The following PRDM16 variants were observed in gnomAD, a reference collection of about 807,000 sequenced individuals.
The protein encoded by PRDM16 is histone-lysine N-methyltransferase PRDM16.
Under a neutral mutation model 110.6 loss-of-function variants are expected in PRDM16, and 23 were observed. That is an observed-to-expected ratio of 0.21 (90% confidence interval 0.15 to 0.29). PRDM16 has a LOEUF of 0.29. Ranked by LOEUF, PRDM16 falls within the 10% of genes least tolerant of loss-of-function variation. The pLI, the probability that PRDM16 is intolerant of heterozygous loss-of-function variation, is 1.00. For synonymous variants in PRDM16, 799 were observed against 781.8 expected (o/e 1.02, Z -0.37); for missense variants, 1,615 against 1,794.3 (o/e 0.90, Z 1.81).
intron 1 of PRDM16, among the ~76,000 whole-genome samples, chr1:3,167,049 G>A (rs1643965373): frequency 6.6e-6 from 1 of 152,186 alleles, no homozygotes; most frequent in Non-Finnish European, 1.5e-5. Flanking sequence ...TCCCAGGGAG[G>A]TGCAGGGAGC....
intron 1 of PRDM16, among the ~76,000 whole-genome samples, chr1:3,173,449 G>A (rs1644051082): frequency 1.3e-5 from 2 of 152,250 alleles, no homozygotes; most frequent in South Asian, 4.1e-4. Flanking sequence ...TTAGAATAAT[G>A]CATCGGCTTT....
Position 3,194,891 on chromosome 1 carries a change from C to T in PRDM16, c.387+8417C>T, listed in dbSNP as rs183572126. Among the ~76,000 whole-genome samples the T allele has an allele frequency of 5.3e-5, 8 of 152,332 alleles. 1 individual carries two copies. In the East Asian group the frequency reaches 9.7e-4, roughly 18 times the overall value. On this transcript the variant is annotated intron_variant, in intron 2 of 16. Coordinates refer to ENST00000270722, the MANE Select transcript of PRDM16 (RefSeq NM_022114.4). ...CCCCACGGTTGAGTGGGCTCGGCCC[C>T]GGGACGTGGCCTGGCTCTGGGCACC... is the stretch of plus-strand genomic sequence containing the variant.
At chr1:3,221,416 G>T (rs912254729) in intron 2 of PRDM16, among the ~76,000 whole-genome samples, 1 of 152,226 alleles carries the variant, frequency 6.6e-6, no homozygotes, top group Non-Finnish European at 1.5e-5. Flanking sequence ...AAGCTGCTTG[G>T]ATTTGCTGTG....
intron 1 of PRDM16, among the ~76,000 whole-genome samples, chr1:3,097,728 C>G (rs578148618): frequency 6.6e-6 from 1 of 152,156 alleles, no homozygotes; most frequent in East Asian, 1.9e-4. Flanking sequence ...CACAGGGTCT[C>G]CCCGAGGCCT....
chr1:3,251,805 G>A (rs1639939935), intron 3 of PRDM16, among the ~76,000 whole-genome samples: 1 of 152,192 alleles, frequency 6.6e-6, no homozygotes, highest in South Asian at 2.1e-4. Flanking sequence ...TCTTCAGGTG[G>A]GTGCAATATT....
intron 3 of PRDM16, among the ~76,000 whole-genome samples, chr1:3,259,611 GACCAAC>G (rs1463752804): frequency 9.9e-5 from 15 of 152,248 alleles, no homozygotes; most frequent in Non-Finnish European, 1.5e-4. Flanking sequence ...CTGAAACCCA[GACCAAC>G]TAGTGAACAG....
intron 2 of PRDM16, among the ~76,000 whole-genome samples, chr1:3,234,278 GC>G (rs1212347499): frequency 2.0e-5 from 3 of 152,136 alleles, no homozygotes; most frequent in African/African-American, 7.2e-5. Context: ...CGAGACAGGG[GC>G]TTTCAGAGCT....
intron 9 of PRDM16, among the ~76,000 whole-genome samples, 171 bp downstream of exon 9, chr1:3,412,971 G>T (rs947090658): frequency 3.3e-5 from 5 of 152,218 alleles, no homozygotes; most frequent in African/African-American, 1.2e-4. Flanking sequence ...CCCTCAGGAG[G>T]GATGCCTGGC....
chr1:3,187,171 G>A (rs780496080), intron 2 of PRDM16, among the ~76,000 whole-genome samples: 6 of 152,162 alleles, frequency 3.9e-5, no homozygotes, highest in African/African-American at 7.2e-5. Flanking sequence ...GCTAGGCCCC[G>A]GTGTTGGGGT....
intron 2 of PRDM16, among the ~76,000 whole-genome samples, chr1:3,214,772 G>T (rs1244923361): frequency 6.6e-6 from 1 of 152,232 alleles, no homozygotes; most frequent in African/African-American, 2.4e-5. Context: ...GCCTGGCCCT[G>T]TGCTAACATG....
chr1:3,181,244 A>ACGCATG (rs1225918075), intron 1 of PRDM16, among the ~76,000 whole-genome samples: 76 of 48,594 alleles, frequency 1.6e-3, no homozygotes, highest in Non-Finnish European at 2.2e-3. Context: ...TCTTACACAC[A>ACGCATG]GTCTTACACA....
intron 3 of PRDM16, among the ~76,000 whole-genome samples, chr1:3,299,210 G>T (rs1363330323): frequency 6.6e-6 from 1 of 151,454 alleles, no homozygotes; most frequent in African/African-American, 2.4e-5. Flanking sequence ...TGGTGGCTCT[G>T]CCCTGGTTGA....
intron 1 of PRDM16, among the ~76,000 whole-genome samples, chr1:3,165,188 G>T (rs1026034714): frequency 6.6e-6 from 1 of 152,210 alleles, no homozygotes. Context: ...TAGGCCCAGG[G>T]ACAGGGACTT....
intron 3 of PRDM16, among the ~76,000 whole-genome samples, chr1:3,257,406 C>G (rs1176902590): frequency 6.6e-6 from 1 of 152,164 alleles, no homozygotes; most frequent in Non-Finnish European, 1.5e-5. Flanking sequence ...CTCCAGAGTT[C>G]TCTGCTCTCC....
At chr1:3,320,185 A>G (rs1010942089) in intron 3 of PRDM16, among the ~76,000 whole-genome samples, 5 of 152,216 alleles carry the variant, frequency 3.3e-5, no homozygotes, top group African/African-American at 1.2e-4. Flanking sequence ...CACATGTGCC[A>G]AATTATAAGA....
At chr1:3,083,876 C>T (rs1452810540) in intron 1 of PRDM16, among the ~76,000 whole-genome samples, 2 of 152,220 alleles carry the variant, frequency 1.3e-5, no homozygotes, top group East Asian at 1.9e-4. Context: ...CCGTAATCAG[C>T]ACATGGTGCC....
intron 1 of PRDM16, among the ~76,000 whole-genome samples, chr1:3,070,772 C>G (rs1295839466): frequency 5.3e-5 from 8 of 152,288 alleles, no homozygotes; most frequent in Non-Finnish European, 8.8e-5. Flanking sequence ...GCCCCGCGGC[C>G]GTAGGCCCCG....
chr1:3,101,315 G>T (rs1160770470), intron 1 of PRDM16, among the ~76,000 whole-genome samples: 1 of 152,358 alleles, frequency 6.6e-6, no homozygotes, highest in East Asian at 1.9e-4. Context: ...GCGAGGCAGT[G>T]CATTGTCTAG....
Position 3,114,212 on chromosome 1 carries a change from C to A in PRDM16, c.37+44916C>A, listed in dbSNP as rs1222241310. ...ACACACGCACACGCACGCACACACG[C>A]ACACGAACACACACGCACACACGCA... On this transcript the variant is annotated intron_variant, in intron 1 of 16. Coordinates refer to ENST00000270722, the MANE Select transcript of PRDM16 (RefSeq NM_022114.4). Among the ~76,000 whole-genome samples the A allele has an allele frequency of 9.8e-3, 1,325 of 135,100 alleles. 26 individuals carry two copies. The highest frequency in any genetic ancestry group is 0.036 in the African/African-American group (1,254 of 34,504). The allele number at this position is 135,100 out of a possible 152,430, so 88.6% of individuals were successfully genotyped here. A position where few individuals can be genotyped will look rare whatever the true frequency, so the allele number is the denominator to read the frequency against.
Sources: gnomAD v4.1 joint callset for allele counts (sites outside exome capture counted in the v4.1 genomes callset) on GRCh38, gnomAD v4.1.1 for gene constraint, MANE v1.5 for transcripts, NCBI Gene and HGNC (gene_info 2026-07-23, HGNC 2026-07-21) for gene names.